CFAP57: variants seen among roughly 807,000 people sequenced by gnomAD.
CFAP57 encodes the protein cilia- and flagella-associated protein 57.
A neutral mutation model predicts 146.8 loss-of-function variants in CFAP57; 116 were observed. The observed-to-expected ratio is 0.79, with a 90% CI of 0.68 to 0.92. The LOEUF is 0.92. Ranked by LOEUF, CFAP57 falls within the 40% of genes least tolerant of loss-of-function variation. CFAP57 has a pLI of 0.00. For missense variants in CFAP57, 1,377 were observed against 1,527.2 expected, an observed-to-expected ratio of 0.90 and a Z score of 1.64; for synonymous variants, 518 against 552.8, an observed-to-expected ratio of 0.94 and a Z score of 0.88.
intron 3 of CFAP57, among the ~76,000 whole-genome samples, chr1:43,182,970 G>A (rs555868482): frequency 8.5e-5 from 13 of 152,324 alleles, no homozygotes; most frequent in African/African-American, 3.1e-4. Flanking sequence ...CAAGTAATAC[G>A]CTTTCATGAT....
intron 18 of CFAP57, 36 bp downstream of exon 18, chr1:43,227,162 C>T: frequency 2.7e-6 from 4 of 1,477,334 alleles, no homozygotes; most frequent in Non-Finnish European, 3.6e-6. Flanking sequence ...GCCTCTCAGA[C>T]CCTCTGTCTC....
intron 21 of CFAP57, among the ~76,000 whole-genome samples, chr1:43,242,599 C>T (rs1645967335): frequency 1.3e-5 from 2 of 152,218 alleles, no homozygotes; most frequent in Non-Finnish European, 2.9e-5. Context: ...AGACCATATC[C>T]TATTTCTGTT....
At position 43,222,969 on chromosome 1, in the gene CFAP57, A is replaced by C. The variant is rs1051361795; in HGVS notation, c.2678A>C (p.Lys893Thr). 6.1e-5 allele frequency: 94 copies of C among 1,549,950 alleles called. No individual in the cohort carries two copies. Among genetic ancestry groups the C allele is most frequent in the Non-Finnish European group, 7.8e-5 (89 of 1,146,672 alleles). Residue 893 changes from lysine (K) to threonine (T), a missense_variant, in exon 16 of 23, where the codon AAG becomes ACG. By Grantham distance (78) the Lys-to-Thr change is moderately conservative (BLOSUM62 -1). Transcript: ENST00000372492. Reference sequence around the variant, plus strand: ...GAAAAGGAATCAAACCTGCGGCTCAAGGGAGAAACAGGCATCATGAGGAAG... The same window carrying C: ...GAAAAGGAATCAAACCTGCGGCTCACGGGAGAAACAGGCATCATGAGGAAG... ...RDEKESNLRL[K>T]GETGIMRKKF...
intron 2 of CFAP57, among the ~76,000 whole-genome samples, chr1:43,174,976 C>T (rs2453410): frequency 0.054 from 8,197 of 152,200 alleles, 538 homozygotes; most frequent in African/African-American, 0.16. Flanking sequence ...TTTCCTTCTG[C>T]ATTTACTGAT....
At chr1:43,225,943 C>T (rs2124578906) in intron 17 of CFAP57, among the ~76,000 whole-genome samples, 1 of 152,330 alleles carries the variant, frequency 6.6e-6, no homozygotes, top group Non-Finnish European at 1.5e-5. Context: ...GAGGCAGAGG[C>T]AGGTGGATCA....
At chr1:43,184,072 T>G (rs1645535967) in intron 4 of CFAP57, among the ~76,000 whole-genome samples, 195 bp downstream of exon 4, 1 of 152,230 alleles carries the variant, frequency 6.6e-6, no homozygotes, top group African/African-American at 2.4e-5. Context: ...TAAATACAAT[T>G]CTTTTTATTT....
chr1:43,198,816 T>TTGAG (rs1193830834), intron 8 of CFAP57, among the ~76,000 whole-genome samples, 170 bp downstream of exon 8: 1 of 152,208 alleles, frequency 6.6e-6, no homozygotes, highest in East Asian at 1.9e-4. Flanking sequence ...AGCAACCTTA[T>TTGAG]TGAGTATATG....
At chr1:43,239,241 T>C (rs1338928650) in intron 21 of CFAP57, among the ~76,000 whole-genome samples, 3 of 102,000 alleles carry the variant, frequency 2.9e-5, no homozygotes, top group Non-Finnish European at 5.5e-5. Flanking sequence ...CGTGAATGAA[T>C]GAATGAATGA....
In CFAP57 at chr1:43,252,749, G is replaced by A. The variant is rs544376899; in HGVS notation, c.3539-1228G>A. ...TTGAAAATAAGACAAAAAAGCAAAAGTCTTCCAAAATTGCATAGGCAGATT... is the reference window on the plus strand; with the variant it reads ...TTGAAAATAAGACAAAAAAGCAAAAATCTTCCAAAATTGCATAGGCAGATT... On this transcript the variant is annotated intron_variant, in intron 22 of 22. Transcript: ENST00000372492. Among the ~76,000 whole-genome samples, 21 of 152,214 alleles carry A rather than the reference G, an allele frequency of 1.4e-4. 1 individual carries two copies. In the South Asian group the frequency reaches 4.4e-3, roughly 32 times the overall value.
At position 43,206,770 on chromosome 1, in the gene CFAP57, C is replaced by G; in HGVS notation, c.1593C>G (p.Gly531=). The G allele has an allele frequency of 6.2e-7, 1 of 1,614,056 alleles. No individual in the cohort carries two copies. Among genetic ancestry groups the G allele is most frequent in the South Asian group, 1.1e-5 (1 of 91,056 alleles). The change falls in exon 10 of 23, where the codon GGC becomes GGG. Residue 531 remains glycine (G), a synonymous_variant. Coordinates refer to ENST00000372492, the MANE Select transcript of CFAP57 (RefSeq NM_001378189.1). The stretch of plus-strand genomic sequence containing the variant: ...ATGATAGCAAACTGATTTCTGGTGG[C>G]ACAGATGGTGCTGTGTATGAATGGA... ...NADDSKLISG[G]TDGAVYEWNL...
At chr1:43,176,789 G>A (rs1440529863) in intron 2 of CFAP57, among the ~76,000 whole-genome samples, 2 of 152,224 alleles carry the variant, frequency 1.3e-5, no homozygotes, top group Non-Finnish European at 2.9e-5. Context: ...TAGATAGGGA[G>A]GCTGGGGAGG....
intron 12 of CFAP57, among the ~76,000 whole-genome samples, chr1:43,218,576 C>A (rs1188426141): frequency 6.6e-6 from 1 of 150,926 alleles, no homozygotes; most frequent in African/African-American, 2.4e-5. Flanking sequence ...CCACCGCACT[C>A]CAGCCTGGGT....
At chr1:43,199,546 C>A (rs1644022867) in intron 9 of CFAP57, 43 bp downstream of exon 9, 1 of 1,570,902 alleles carries the variant, frequency 6.4e-7, no homozygotes, top group Admixed American at 1.7e-5. Context: ...GGGCACGGAG[C>A]CAAGTATGCC....
intron 11 of CFAP57, among the ~76,000 whole-genome samples, chr1:43,212,119 A>G (rs974276572): frequency 2.0e-5 from 3 of 152,206 alleles, no homozygotes; most frequent in African/African-American, 7.2e-5. Context: ...CAGTAATTAC[A>G]TCTTCTAGAA....
At chr1:43,243,422 G>A in intron 22 of CFAP57, 63 bp downstream of exon 22, 1 of 1,434,178 alleles carries the variant, frequency 7.0e-7, no homozygotes, top group Non-Finnish European at 9.2e-7. Context: ...GCAGCTGCAG[G>A]CAGGTCTCCC....
chr1:43,189,843 G>A (rs1569924090), intron 6 of CFAP57, among the ~76,000 whole-genome samples: 2 of 152,298 alleles, frequency 1.3e-5, no homozygotes, highest in South Asian at 4.1e-4. Flanking sequence ...AGGAGCAAGA[G>A]AGGGAGGTGA....
intron 22 of CFAP57, among the ~76,000 whole-genome samples, chr1:43,245,906 T>C (rs1222793090): frequency 6.6e-6 from 1 of 152,230 alleles, no homozygotes; most frequent in African/African-American, 2.4e-5. Context: ...GCAATTTTTA[T>C]ATACTAACAA....
intron 11 of CFAP57, among the ~76,000 whole-genome samples, chr1:43,213,091 T>G (rs1315482287): frequency 6.6e-6 from 1 of 152,112 alleles, no homozygotes; most frequent in Non-Finnish European, 1.5e-5. Flanking sequence ...AGGTCAACTT[T>G]TTTTTCTTTT....
At chr1:43,177,544 T>C (rs1645219697) in intron 2 of CFAP57, among the ~76,000 whole-genome samples, 1 of 152,132 alleles carries the variant, frequency 6.6e-6, no homozygotes, top group African/African-American at 2.4e-5. Flanking sequence ...GTCATCAGCC[T>C]AGAGGTGAAA....
Sources: allele counts gnomAD v4.1 joint callset (sites outside exome capture counted in the v4.1 genomes callset), GRCh38; gene constraint gnomAD v4.1.1; transcripts MANE v1.5; gene names NCBI Gene and HGNC (gene_info 2026-07-23, HGNC 2026-07-21).